Variants in BTRC observed in about 807,000 individuals in gnomAD.
The protein encoded by BTRC is beta-transducin repeat containing E3 ubiquitin protein ligase.
Under a neutral mutation model 85.5 loss-of-function variants are expected in BTRC, and 42 were observed. The ratio of observed to expected loss-of-function variants is 0.49; its 90% confidence interval spans 0.38 to 0.64. The LOEUF (loss-of-function observed/expected upper bound fraction) is 0.64. Among genes scored for constraint, BTRC ranks in the 30% least tolerant of loss-of-function variants. BTRC has a pLI of 0.00. For missense variants in BTRC, 594 were observed against 743.5 expected, an observed-to-expected ratio of 0.80 and a Z score of 2.34; for synonymous variants, 255 against 263.3, an observed-to-expected ratio of 0.97 and a Z score of 0.30.
chr10:101,493,012 G>C (rs1946173044), intron 4 of BTRC, among the ~76,000 whole-genome samples: 1 of 152,110 alleles, frequency 6.6e-6, no homozygotes, highest in Non-Finnish European at 1.5e-5. Flanking sequence ...CAAATTACTA[G>C]TATTATTTAG....
At chr10:101,417,504 C>G (rs1039195178) in intron 1 of BTRC, among the ~76,000 whole-genome samples, 3 of 152,144 alleles carry the variant, frequency 2.0e-5, no homozygotes, top group Admixed American at 6.5e-5. Context: ...ATGTGAATTT[C>G]TTCCAATATT....
intron 2 of BTRC, among the ~76,000 whole-genome samples, chr10:101,445,187 T>C (rs1489527538): frequency 6.6e-6 from 1 of 152,206 alleles, no homozygotes. Flanking sequence ...TTCTGATTTC[T>C]TAGATTCTGT....
chr10:101,412,358 C>T (rs191693679), intron 1 of BTRC, among the ~76,000 whole-genome samples: 27 of 152,256 alleles, frequency 1.8e-4, no homozygotes, highest in Admixed American at 1.8e-3. Context: ...ACAGTACCTT[C>T]GGGTAGAAGA....
At chr10:101,465,571 G>C (rs1214139489) in intron 3 of BTRC, among the ~76,000 whole-genome samples, 2 of 152,106 alleles carry the variant, frequency 1.3e-5, no homozygotes, top group Non-Finnish European at 2.9e-5. Flanking sequence ...GGTTTTACTG[G>C]TGAATTCAAC....
rs535656002 is a variant in BTRC at position 101,387,528 on chromosome 10, CTTTTT to C, written c.48+33314_48+33318del. On this transcript the variant is annotated intron_variant, in intron 1 of 14. Coordinates refer to ENST00000370187, the MANE Select transcript of BTRC (RefSeq NM_033637.4). ...TGTGGCTTTTTATACCTTCATGGGACTTTTTTTTTTTTTTTTTTGAGATAGCCTCA... is the reference window on the plus strand; with the variant it reads ...TGTGGCTTTTTATACCTTCATGGGACTTTTTTTTTTTTTGAGATAGCCTCA... Among the ~76,000 whole-genome samples, 116 of 45,090 alleles carry C rather than the reference CTTTTT, an allele frequency of 2.6e-3. 17 individuals carry two copies. The highest frequency in any genetic ancestry group is 0.017 in the African/African-American group (111 of 6,530). 29.6% of individuals were successfully genotyped at this position (45,090 alleles called of 152,430 possible).
intron 12 of BTRC, among the ~76,000 whole-genome samples, chr10:101,537,708 ACTT>A (rs533286918): frequency 1.1e-3 from 167 of 152,300 alleles, no homozygotes; most frequent in Non-Finnish European, 1.8e-3. Context: ...TAGACTGCTC[ACTT>A]CTTCTGCTTT....
intron 1 of BTRC, among the ~76,000 whole-genome samples, chr10:101,366,940 A>T (rs12219142): frequency 7.7e-5 from 1 of 12,956 alleles, no homozygotes; most frequent in African/African-American, 3.1e-4. Flanking sequence ...ATATATATTT[A>T]TATATATTTA....
chr10:101,533,183 A>C, intron 9 of BTRC, 113 bp downstream of exon 9: 19 of 644,424 alleles, frequency 2.9e-5, no homozygotes, highest in South Asian at 2.8e-5. Context: ...AAGAAGAATA[A>C]ACCACCAGGT....
At chr10:101,370,696 G>A (rs1277257409) in intron 1 of BTRC, among the ~76,000 whole-genome samples, 13 of 121,274 alleles carry the variant, frequency 1.1e-4, no homozygotes, top group Admixed American at 7.1e-4. Flanking sequence ...CAACTTCCCC[G>A]TAGCTGGGAC....
At chr10:101,475,958 G>C (rs1188299262) in intron 3 of BTRC, among the ~76,000 whole-genome samples, 1 of 30,676 alleles carries the variant, frequency 3.3e-5, no homozygotes, top group Non-Finnish European at 8.3e-5. Flanking sequence ...TATATATTCA[G>C]TAATTCCTAA....
chr10:101,412,326 C>T (rs1255705083), intron 1 of BTRC, among the ~76,000 whole-genome samples: 1 of 152,114 alleles, frequency 6.6e-6, no homozygotes, highest in Non-Finnish European at 1.5e-5. Flanking sequence ...TTTGAGTTCC[C>T]CTTTCTTGTG....
At chr10:101,464,809 A>G (rs1238320483) in intron 3 of BTRC, among the ~76,000 whole-genome samples, 1 of 152,122 alleles carries the variant, frequency 6.6e-6, no homozygotes, top group East Asian at 1.9e-4. Context: ...GCAGATTTGT[A>G]AATTTATTGC....
intron 3 of BTRC, among the ~76,000 whole-genome samples, chr10:101,472,786 C>A (rs552383573): frequency 6.6e-6 from 1 of 152,248 alleles, no homozygotes; most frequent in South Asian, 2.1e-4. Flanking sequence ...CGCTTGTCTC[C>A]TAGCCTTCAT....
At chr10:101,514,483 A>G (rs6584428) in intron 4 of BTRC, among the ~76,000 whole-genome samples, 145,474 of 151,584 alleles carry the variant, frequency 0.96, 70,077 homozygotes, top group East Asian at 1. Flanking sequence ...TTTTTGAGAA[A>G]GCTCTGTCAC....
At chr10:101,454,897 G>A (rs1160759314) in intron 2 of BTRC, among the ~76,000 whole-genome samples, 1 of 152,066 alleles carries the variant, frequency 6.6e-6, no homozygotes, top group African/African-American at 2.4e-5. Flanking sequence ...ATAACTTGGT[G>A]TAATATAGTA....
At chr10:101,538,466 T>TA in intron 13 of BTRC, 95 bp downstream of exon 13, 2 of 1,157,902 alleles carry the variant, frequency 1.7e-6, no homozygotes, top group Non-Finnish European at 2.6e-6. Flanking sequence ...ATTTAATAGT[T>TA]ACAACCTCAC....
At chr10:101,418,046 T>G (rs117901631) in intron 1 of BTRC, among the ~76,000 whole-genome samples, 1 of 152,166 alleles carries the variant, frequency 6.6e-6, no homozygotes, top group Middle Eastern at 3.2e-3. Context: ...CATAACAAAT[T>G]ACCTCAAATT....
chr10:101,456,853 A>T (rs1045603081), intron 2 of BTRC, among the ~76,000 whole-genome samples: 5 of 152,326 alleles, frequency 3.3e-5, no homozygotes, highest in Admixed American at 2.6e-4. Context: ...AAAAGGTAAC[A>T]AGTTGTGCAC....
At chr10:101,422,620 T>C (rs1427900672) in intron 1 of BTRC, among the ~76,000 whole-genome samples, 1 of 152,238 alleles carries the variant, frequency 6.6e-6, no homozygotes, top group Non-Finnish European at 1.5e-5. Flanking sequence ...TTTAAGTCTT[T>C]ACTCCACCTT....
Sources: allele counts gnomAD v4.1 joint callset (sites outside exome capture counted in the v4.1 genomes callset), GRCh38; gene constraint gnomAD v4.1.1; transcripts MANE v1.5; gene names NCBI Gene and HGNC (gene_info 2026-07-23, HGNC 2026-07-21).